Variants in NEK1 observed in about 807,000 individuals in gnomAD.
The protein encoded by NEK1 is NIMA related kinase 1.
Under a neutral mutation model 182.1 loss-of-function variants are expected in NEK1, and 137 were observed. The observed-to-expected ratio is 0.75, with a 90% confidence interval of 0.65 to 0.87. The LOEUF (loss-of-function observed/expected upper bound fraction) is 0.87, where lower values mean the gene tolerates loss of function less well. Among genes scored for constraint, NEK1 ranks in the 40% least tolerant of loss-of-function variants. NEK1 has a pLI of 0.00. For synonymous variants in NEK1, 513 were observed against 492.2 expected (o/e 1.04, Z -0.56); for missense variants, 1,391 against 1,494.4 (o/e 0.93, Z 1.14).
chr4:169,495,562 C>A (rs1039249412), intron 23 of NEK1, among the ~76,000 whole-genome samples: 3 of 152,102 alleles, frequency 2.0e-5, no homozygotes, highest in African/African-American at 7.2e-5. Flanking sequence ...TTTAATCCAT[C>A]TTGAATTAAT....
At chr4:169,399,830 G>T (rs1207245053) in intron 35 of NEK1, among the ~76,000 whole-genome samples, 1 of 151,856 alleles carries the variant, frequency 6.6e-6, no homozygotes, top group East Asian at 1.9e-4. Flanking sequence ...TCACTATGTT[G>T]TCCAGGCTGG....
chr4:169,411,690 T>C (rs540439449), intron 31 of NEK1, among the ~76,000 whole-genome samples: 30 of 152,362 alleles, frequency 2.0e-4, no homozygotes, highest in Admixed American at 1.8e-3. Flanking sequence ...TAATTCTCTA[T>C]CTCAACCTAC....
At chr4:169,425,585 C>G (rs528501001) in intron 30 of NEK1, among the ~76,000 whole-genome samples, 2 of 152,206 alleles carry the variant, frequency 1.3e-5, no homozygotes, top group East Asian at 3.9e-4. Context: ...AGGTCTTGGT[C>G]TATTGCCCAG....
rs139320554 is a variant in NEK1 at position 169,470,073 on chromosome 4, C to G, written c.2435-6678G>C. 6.8e-3 allele frequency among the ~76,000 whole-genome samples: 1,026 copies of G among 151,648 alleles called. 7 individuals are homozygous for G. Among genetic ancestry groups the G allele is most frequent in the African/African-American group, 0.024 (975 of 41,362 alleles). On this transcript the variant is annotated intron_variant, in intron 26 of 35. Transcript: ENST00000507142. ...TACAGCACACTGATGAGTCTTGACT[C>G]TTTATCCAATTTGCCAGTCTGGGTC...
At chr4:169,607,062 A>T (rs957624552) in intron 2 of NEK1, among the ~76,000 whole-genome samples, 7 of 152,348 alleles carry the variant, frequency 4.6e-5, no homozygotes, top group Middle Eastern at 3.4e-3. Context: ...ATCTACAGTA[A>T]GTTCTGCTCC....
chr4:169,398,593 G>A (rs933806521), intron 35 of NEK1, among the ~76,000 whole-genome samples: 4 of 152,082 alleles, frequency 2.6e-5, no homozygotes, highest in African/African-American at 9.7e-5. Context: ...TTTAGAAAAT[G>A]TGGAAACCTT....
chr4:169,427,365 A>T (rs1467655167), intron 29 of NEK1, among the ~76,000 whole-genome samples: 1 of 152,100 alleles, frequency 6.6e-6, no homozygotes, highest in Non-Finnish European at 1.5e-5. Flanking sequence ...TGACCTTGAG[A>T]TCCGCCCGCC....
At chr4:169,552,759 T>C (rs543457732) in intron 18 of NEK1, among the ~76,000 whole-genome samples, 1 of 152,086 alleles carries the variant, frequency 6.6e-6, no homozygotes, top group Non-Finnish European at 1.5e-5. Context: ...AGAAGGTTAA[T>C]AAACAAAAGT....
chr4:169,424,025 C>G (rs1185637068), intron 31 of NEK1, among the ~76,000 whole-genome samples: 1 of 151,928 alleles, frequency 6.6e-6, no homozygotes, highest in African/African-American at 2.4e-5. Flanking sequence ...AGTAATATAA[C>G]AAATGATTAT....
intron 23 of NEK1, among the ~76,000 whole-genome samples, chr4:169,494,467 T>C (rs1172482934): frequency 6.6e-6 from 1 of 152,238 alleles, no homozygotes; most frequent in Non-Finnish European, 1.5e-5. Flanking sequence ...ATGGTGTATA[T>C]GTGCCACATA....
At chr4:169,577,634 G>A (rs1440371807) in intron 11 of NEK1, among the ~76,000 whole-genome samples, 1 of 151,896 alleles carries the variant, frequency 6.6e-6, no homozygotes, top group African/African-American at 2.4e-5. Context: ...GGCGCCTGTA[G>A]TCCCAGCTAC....
At chr4:169,407,506 C>T (rs1732857542) in intron 31 of NEK1, among the ~76,000 whole-genome samples, 1 of 152,052 alleles carries the variant, frequency 6.6e-6, no homozygotes, top group Admixed American at 6.6e-5. Flanking sequence ...TTTGCAGGAA[C>T]AGTAAGAAGA....
intron 2 of NEK1, among the ~76,000 whole-genome samples, chr4:169,604,715 A>G (rs4323068): frequency 0.98 from 148,485 of 152,292 alleles, 72,479 homozygotes; most frequent in East Asian, 1. Context: ...TGCTGTGCCT[A>G]CAAGACCAGA....
rs142239234 is a variant in NEK1 at position 169,506,208 on chromosome 4, A to G, written c.2007+829T>C. Among the ~76,000 whole-genome samples, 962 of 152,298 alleles carry G rather than the reference A, an allele frequency of 6.3e-3. 15 individuals are homozygous for G. Among genetic ancestry groups the G allele is most frequent in the African/African-American group, 0.022 (925 of 41,562 alleles). On this transcript the variant is annotated intron_variant, in intron 23 of 35. Coordinates refer to ENST00000507142, the MANE Select transcript of NEK1 (RefSeq NM_001199397.3). ...AAATGCGGAAAGAATTCTATTAGAA[A>G]TTAAAGCATATTGTAAATAATTACT... is the stretch of plus-strand genomic sequence containing the variant.
intron 28 of NEK1, among the ~76,000 whole-genome samples, chr4:169,435,054 A>G: frequency 6.6e-6 from 1 of 152,200 alleles, no homozygotes; most frequent in East Asian, 1.9e-4. Context: ...AAAAGGCATA[A>G]GATACTGTTT....
intron 26 of NEK1, among the ~76,000 whole-genome samples, chr4:169,463,755 T>C (rs1744419872): frequency 6.6e-6 from 1 of 152,164 alleles, no homozygotes; most frequent in Non-Finnish European, 1.5e-5. Flanking sequence ...TGCATATACA[T>C]AACGAGAATC....
intron 12 of NEK1, among the ~76,000 whole-genome samples, chr4:169,573,535 T>C (rs1765197058): frequency 6.6e-6 from 1 of 152,194 alleles, no homozygotes; most frequent in Admixed American, 6.5e-5. Context: ...GTTTTTTGGT[T>C]ATTGGTAATA....
chr4:169,408,945 G>A (rs970373468), intron 31 of NEK1, among the ~76,000 whole-genome samples: 3 of 152,098 alleles, frequency 2.0e-5, no homozygotes, highest in Non-Finnish European at 4.4e-5. Context: ...GTGTGTGTGT[G>A]TCTTTTTCAT....
intron 27 of NEK1, among the ~76,000 whole-genome samples, chr4:169,441,804 A>T (rs1739507785): frequency 6.6e-6 from 1 of 151,824 alleles, no homozygotes; most frequent in Non-Finnish European, 1.5e-5. Context: ...TGCCCAACAT[A>T]AACTGCCTGC....
Sources: gnomAD v4.1 joint callset for allele counts (sites outside exome capture counted in the v4.1 genomes callset) on GRCh38, gnomAD v4.1.1 for gene constraint, MANE v1.5 for transcripts, NCBI Gene and HGNC (gene_info 2026-07-23, HGNC 2026-07-21) for gene names.